Variants in LMNB1 observed in about 807,000 individuals in gnomAD.
LMNB1 encodes the protein lamin-B1.
A neutral mutation model predicts 67.1 loss-of-function variants in LMNB1; 23 were observed. The observed-to-expected ratio is 0.34, with a 90% CI of 0.25 to 0.49. LMNB1 has a LOEUF of 0.49. Ranked by LOEUF, LMNB1 falls within the 20% of genes least tolerant of loss-of-function variation. The pLI is 0.99. For synonymous variants in LMNB1, 281 were observed against 282.9 expected (o/e 0.99, Z 0.07); for missense variants, 634 against 746.5 (o/e 0.85, Z 1.76).
Position 126,777,456 on chromosome 5 carries a change from C to T in LMNB1, c.-53C>T, listed in dbSNP as rs1402821264. The T allele has an allele frequency of 1.6e-6, 2 of 1,289,662 alleles. No individual in the cohort carries two copies. Among genetic ancestry groups the T allele is most frequent in the Non-Finnish European group, 2.0e-6 (2 of 1,023,224 alleles). 79.9% of individuals were successfully genotyped at this position (1,289,662 alleles called of 1,614,324 possible). On this transcript the variant is annotated 5_prime_UTR_variant, in exon 1 of 11. Transcript: ENST00000261366. ...CCGCTTCGCCCCCTGCCGTCCCCTC[C>T]TTATCACGGTCCCGCTCGCGGCCTC...
chr5:126,790,375 G>T (rs1356443957), intron 1 of LMNB1, among the ~76,000 whole-genome samples: 2 of 152,044 alleles, frequency 1.3e-5, no homozygotes, highest in Admixed American at 1.3e-4. Context: ...CAAAGTGCTG[G>T]GATTACAGAT....
chr5:126,834,056 G>A (rs72780216), intron 10 of LMNB1, among the ~76,000 whole-genome samples: 8,845 of 152,238 alleles, frequency 0.058, 293 homozygotes, highest in Middle Eastern at 0.088. Flanking sequence ...GAACTCAATC[G>A]AGCAGGCTGT....
intron 1 of LMNB1, among the ~76,000 whole-genome samples, chr5:126,799,075 T>C (rs932750020): frequency 6.6e-6 from 1 of 150,378 alleles, no homozygotes. Context: ...TGGAGTGCAG[T>C]GGCGCAATCT....
intron 1 of LMNB1, among the ~76,000 whole-genome samples, chr5:126,801,882 T>C (rs191055472): frequency 6.6e-5 from 10 of 152,354 alleles, no homozygotes; most frequent in Non-Finnish European, 1.3e-4. Flanking sequence ...TCAGTAGCTT[T>C]TGTAAGTATT....
chr5:126,791,797 T>G (rs2112934699), intron 1 of LMNB1, among the ~76,000 whole-genome samples: 1 of 151,648 alleles, frequency 6.6e-6, no homozygotes, highest in South Asian at 2.1e-4. Context: ...TCTTTTTTTG[T>G]TTTTGAGACA....
At chr5:126,817,912 A>G (rs1349267085) in intron 5 of LMNB1, among the ~76,000 whole-genome samples, 2 of 152,208 alleles carry the variant, frequency 1.3e-5, no homozygotes, top group Non-Finnish European at 1.5e-5. Flanking sequence ...GAATTCTGTC[A>G]TGGAGAAACA....
intron 1 of LMNB1, among the ~76,000 whole-genome samples, chr5:126,793,494 G>C (rs1308666824): frequency 6.6e-6 from 1 of 152,166 alleles, no homozygotes; most frequent in Admixed American, 6.6e-5. Context: ...ATTGGCACCG[G>C]AAACTATCCT....
At chr5:126,814,132 T>C (rs1411132259) in intron 5 of LMNB1, among the ~76,000 whole-genome samples, 1 of 152,168 alleles carries the variant, frequency 6.6e-6, no homozygotes, top group Non-Finnish European at 1.5e-5. Context: ...TGACCTTAGG[T>C]GATCCGCCCG....
At chr5:126,820,159 GAAAAA>G (rs904850855) in intron 6 of LMNB1, among the ~76,000 whole-genome samples, 1 of 150,462 alleles carries the variant, frequency 6.6e-6, no homozygotes, top group Admixed American at 6.6e-5. Flanking sequence ...AAAAGAAAAA[GAAAAA>G]AAAAGTTCCA....
At chr5:126,784,606 C>G (rs1479617911) in intron 1 of LMNB1, among the ~76,000 whole-genome samples, 3 of 145,826 alleles carry the variant, frequency 2.1e-5, no homozygotes, top group Non-Finnish European at 4.5e-5. Context: ...CCACCCGCCT[C>G]GGCCTCCCAA....
At chr5:126,800,155 C>T (rs1170058855) in intron 1 of LMNB1, among the ~76,000 whole-genome samples, 3 of 152,132 alleles carry the variant, frequency 2.0e-5, no homozygotes, top group African/African-American at 7.2e-5. Context: ...GTATCCCCAC[C>T]CTATACCAGA....
intron 1 of LMNB1, among the ~76,000 whole-genome samples, chr5:126,787,546 A>ATATATATATATTTTTTTTTTTTTT: frequency 1.4e-4 from 9 of 65,572 alleles, no homozygotes; most frequent in Non-Finnish European, 2.2e-4. Flanking sequence ...ATATATATAT[A>ATATATATATATTTTTTTTTTTTTT]TTTTTTTTTT....
In LMNB1 at chr5:126,837,004, A is replaced by C. The variant is rs1242800238; in HGVS notation, c.*740A>C. The C allele has an allele frequency of 2.5e-6, 1 of 397,524 alleles. No homozygotes were observed. The highest frequency in any genetic ancestry group is 1.3e-4 in the South Asian group (1 of 7,848). 24.6% of individuals were successfully genotyped at this position (397,524 alleles called of 1,614,324 possible). A position where few individuals can be genotyped will look rare whatever the true frequency, so the allele number is the denominator to read the frequency against. On this transcript the variant is annotated 3_prime_UTR_variant, in exon 11 of 11. Coordinates refer to ENST00000261366, the MANE Select transcript of LMNB1 (RefSeq NM_005573.4). ...CTTATGTGACATTAACAAATAAAAAAGCTCTTTTAATATTGATATACTGTC... is the reference window on the plus strand; with the variant it reads ...CTTATGTGACATTAACAAATAAAAACGCTCTTTTAATATTGATATACTGTC...
rs142845097 is a variant in LMNB1 at position 126,825,452 on chromosome 5, C to T, written c.1492-536C>T. Reference sequence around the variant, plus strand: ...ACGTACCAGTTTCCATAAGATTATTCTAGATAGGCTCTCTGCTGCAGAAGG... The same window carrying T: ...ACGTACCAGTTTCCATAAGATTATTTTAGATAGGCTCTCTGCTGCAGAAGG... On this transcript the variant is annotated intron_variant, in intron 8 of 10. Coordinates refer to ENST00000261366, the MANE Select transcript of LMNB1 (RefSeq NM_005573.4). Among the ~76,000 whole-genome samples, 1,301 of 152,266 alleles carry T rather than the reference C, an allele frequency of 8.5e-3. 15 individuals are homozygous for T. Among genetic ancestry groups the T allele is most frequent in the Non-Finnish European group, 0.01 (695 of 68,004 alleles).
rs1207626247 is a variant in LMNB1, at chr5:126,800,967, A to T, written c.360-3809A>T. ...GCAGCCAGACTATATATATATATAT[A>T]TATATATATATATAATTTTTTTTTT... On this transcript the variant is annotated intron_variant, in intron 1 of 10. Coordinates refer to ENST00000261366, the MANE Select transcript of LMNB1 (RefSeq NM_005573.4). 3.8e-3 allele frequency among the ~76,000 whole-genome samples: 287 copies of T among 75,172 alleles called. 6 individuals carry two copies. The highest frequency in any genetic ancestry group is 6.1e-3 in the Non-Finnish European group (222 of 36,208). 49.3% of individuals were successfully genotyped at this position (75,172 alleles called of 152,430 possible). A position where few individuals can be genotyped will look rare whatever the true frequency, so the allele number is the denominator to read the frequency against.
chr5:126,830,477 T>G (rs1478208806), intron 9 of LMNB1, among the ~76,000 whole-genome samples: 1 of 152,258 alleles, frequency 6.6e-6, no homozygotes, highest in African/African-American at 2.4e-5. Flanking sequence ...TCTACCTAGA[T>G]TTTTAGACAT....
At chr5:126,821,316 A>AG (rs1365992239) in intron 7 of LMNB1, among the ~76,000 whole-genome samples, 181 bp downstream of exon 7, 9 of 152,322 alleles carry the variant, frequency 5.9e-5, no homozygotes, top group Admixed American at 2.6e-4. Flanking sequence ...AGGAAGAGTT[A>AG]GGTACCCTTA....
intron 1 of LMNB1, among the ~76,000 whole-genome samples, chr5:126,799,248 G>C (rs1454250821): frequency 6.6e-6 from 1 of 152,202 alleles, no homozygotes; most frequent in Non-Finnish European, 1.5e-5. Context: ...TCGATCTCCT[G>C]ACCTCGTGAT....
intron 4 of LMNB1, 94 bp from the exon 5 acceptor site, chr5:126,811,679 C>A: frequency 8.6e-7 from 1 of 1,164,824 alleles, no homozygotes; most frequent in Non-Finnish European, 1.2e-6. Context: ...CAGTTACCAG[C>A]AGGACTTAGG....
Sources: allele counts gnomAD v4.1 joint callset (sites outside exome capture counted in the v4.1 genomes callset), GRCh38; gene constraint gnomAD v4.1.1; transcripts MANE v1.5; gene names NCBI Gene and HGNC (gene_info 2026-07-23, HGNC 2026-07-21).